FKBP8: variants seen among roughly 807,000 people sequenced by gnomAD.
FKBP8 encodes the protein peptidyl-prolyl cis-trans isomerase FKBP8.
In FKBP8, 5 loss-of-function variants were observed where a neutral mutation model predicts 41.7. The ratio of observed to expected loss-of-function variants is 0.12; its 90% confidence interval spans 0.06 to 0.25. FKBP8 has a LOEUF of 0.25. FKBP8 is among the 10% of genes least tolerant of loss of function. The pLI is 1.00. For synonymous variants in FKBP8, 279 were observed against 254.5 expected (o/e 1.10, Z -0.92); for missense variants, 397 against 563.0 (o/e 0.71, Z 2.98).
intron 7 of FKBP8, chr19:18,533,028 G>T: frequency 1.3e-6 from 1 of 743,172 alleles, no homozygotes; most frequent in Non-Finnish European, 2.1e-6. Flanking sequence ...TGGAAGGAAG[G>T]CCAAGGACAC....
chr19:18,543,259 C>A (rs1452081574), intron 1 of FKBP8: 2 of 137,228 alleles, frequency 1.5e-5, no homozygotes, highest in African/African-American at 6.7e-5. Context: ...TCCATCGGGA[C>A]CCCCCCACTG....
In FKBP8 at chr19:18,539,697, T is replaced by C. The variant is rs1226654646; in HGVS notation, c.316A>G (p.Thr106Ala). ...GAACCTGGCGGCCCTGGGACCAGCGTCTTCTTCCTCAACAGCCCGTTCCCT... is the reference window on the plus strand; with the variant it reads ...GAACCTGGCGGCCCTGGGACCAGCGCCTTCTTCCTCAACAGCCCGTTCCCT... ...ILGNGLLRKK[T>A]LVPGPPGSSR... The change falls in exon 3 of 9, where the codon ACG (threonine) becomes GCG (alanine). Residue 106 changes from threonine to alanine, a missense_variant. By Grantham distance (58) the Thr-to-Ala change is moderately conservative (BLOSUM62 0). This residue lies in a region of FKBP8 where 172 missense variants were observed against 196.2 expected (regional missense o/e 0.88). Transcript: ENST00000608443. 5 of 1,609,040 alleles carry C rather than the reference T, an allele frequency of 3.1e-6. No homozygotes were observed. Among genetic ancestry groups the C allele is most frequent in the Non-Finnish European group, 4.2e-6 (5 of 1,179,982 alleles).
intron 8 of FKBP8, 69 bp downstream of exon 8, chr19:18,532,595 T>G: frequency 6.3e-7 from 1 of 1,579,872 alleles, no homozygotes; most frequent in Non-Finnish European, 8.6e-7. Flanking sequence ...CATCCATGTA[T>G]GCAAAATAAA....
rs1212176640 is a variant in FKBP8, at chr19:18,538,533, G to A, written c.552-97C>T. 2.5e-5 allele frequency: 25 copies of A among 987,442 alleles called. No homozygotes were observed. Among genetic ancestry groups the A allele is most frequent in the African/African-American group, 3.2e-5 (2 of 62,188 alleles). 61.2% of individuals were successfully genotyped at this position (987,442 alleles called of 1,614,324 possible). A position where few individuals can be genotyped will look rare whatever the true frequency, so the allele number is the denominator to read the frequency against. On this transcript the variant is annotated intron_variant, in intron 4 of 8. Transcript: ENST00000608443. The surrounding 1 kb of genome is among the most constrained non-coding windows in gnomAD (Gnocchi z 4.0). Reference sequence around the variant, plus strand: ...AGGAGTGAGCTTGGCTCAAGCCCCCGATCTGTCTCCCCTCTGCCCTCCATC... The same window carrying A: ...AGGAGTGAGCTTGGCTCAAGCCCCCAATCTGTCTCCCCTCTGCCCTCCATC...
intron 2 of FKBP8, 24 bp from the exon 3 acceptor site, chr19:18,539,744 G>A (rs755168687): frequency 1.2e-6 from 2 of 1,601,646 alleles, no homozygotes; most frequent in Non-Finnish European, 1.7e-6. Context: ...GGGACATGCA[G>A]CCTGTCACCT....
rs145624354 is a variant in FKBP8, at chr19:18,538,238, C to T, written c.750G>A (p.Lys250=). Residue 250 remains lysine (K), a synonymous_variant, in exon 5 of 9, where the codon AAG becomes AAA. Transcript: ENST00000608443. This position sits in a 1 kb window ranked among gnomAD's most constrained non-coding sequence, Gnocchi z 4.0. ...CACCTTTGGCGCTGGAGGTGATAGC[C>T]TTGATGGCGAGGTCGTAGGAGTTGG... ...LAANSYDLAI[K]AITSSAKVDM... 147 of 1,610,532 alleles carry T rather than the reference C, an allele frequency of 9.1e-5. No individual in the cohort carries two copies. The highest frequency in any genetic ancestry group is 1.7e-5 in the Non-Finnish European group (20 of 1,177,630).
At position 18,543,466 on chromosome 19, in the gene FKBP8, C is replaced by G. The variant is rs1976757463; in HGVS notation, c.-26+20G>C. 6.7e-6 allele frequency: 1 copy of G among 149,714 alleles called. No individual in the cohort carries two copies. The highest frequency in any genetic ancestry group is 2.5e-5 in the African/African-American group (1 of 40,756). The allele number at this position is 149,714 out of a possible 1,614,324, so 9.3% of individuals were successfully genotyped here. Reference sequence around the variant, plus strand: ...AGCGGCCCGGCCGGCACGGCGCCCCCAGCACCCCAGGACACTTGCCTCTGG... The same window carrying G: ...AGCGGCCCGGCCGGCACGGCGCCCCGAGCACCCCAGGACACTTGCCTCTGG... On this transcript the variant is annotated intron_variant, in intron 1 of 8. Transcript: ENST00000608443.
rs10424678 is a variant in FKBP8 at position 18,538,886 on chromosome 19, T to C, written c.552-450A>G. ...CTGGAGTGCAGTGGTGCAATCTCGG[T>C]TCACTGCAAGCTCCGCCTCCCGGGT... On this transcript the variant is annotated intron_variant, in intron 4 of 8. Transcript: ENST00000608443. This position sits in a 1 kb window ranked among gnomAD's most constrained non-coding sequence, Gnocchi z 4.0. 0.18 allele frequency among the ~76,000 whole-genome samples: 25,638 copies of C among 146,474 alleles called. 7,087 individuals are homozygous for C. Among genetic ancestry groups the C allele is most frequent in the African/African-American group, 0.59 (23,416 of 39,602 alleles).
At position 18,533,267 on chromosome 19, in the gene FKBP8, C is replaced by T; in HGVS notation, c.1023+3G>A. ...AGTCCCAGGGCACCCCTGTCCTGCT[C>T]ACCTTGTTGGAAGGTTCCAGCTTCA... On this transcript the variant is annotated splice_donor_region_variant and intron_variant, in intron 7 of 8. Coordinates refer to ENST00000608443, the MANE Select transcript of FKBP8 (RefSeq NM_012181.5). 1 of 1,590,370 alleles carries T rather than the reference C, an allele frequency of 6.3e-7. No individual in the cohort carries two copies. Among genetic ancestry groups the T allele is most frequent in the Non-Finnish European group, 8.6e-7 (1 of 1,167,782 alleles).
chr19:18,541,362 A>G (rs1455020712), intron 2 of FKBP8, among the ~76,000 whole-genome samples: 1 of 152,142 alleles, frequency 6.6e-6, no homozygotes, highest in Admixed American at 6.6e-5. Flanking sequence ...GTGTCAGACA[A>G]ATGCCAAAAA....
rs2145189416 is a variant in FKBP8, at chr19:18,537,673, T to C, written c.873A>G (p.Ala291=). The change falls in exon 6 of 9, where the codon GCA becomes GCG. Residue 291 remains alanine (A), a synonymous_variant. Transcript: ENST00000608443. The surrounding 1 kb of genome is among the most constrained non-coding windows in gnomAD (Gnocchi z 4.4). ...GCACAAGGCTGCAGGAGCGCAGGGC[T>C]GCGCGGTAGTGGTCGAGCTTCAGCT... ...ASQLKLDHYR[A]ALRSCSLVLE... 1 of 1,613,796 alleles carries C rather than the reference T, an allele frequency of 6.2e-7. No individual in the cohort carries two copies. The highest frequency in any genetic ancestry group is 8.5e-7 in the Non-Finnish European group (1 of 1,179,920).
At chr19:18,539,317 T>C (rs1449545507) in intron 4 of FKBP8, 54 bp downstream of exon 4, 3 of 1,494,522 alleles carry the variant, frequency 2.0e-6, no homozygotes, top group African/African-American at 2.8e-5. Context: ...GTACACCCAC[T>C]CCACCCATCC....
rs757031781 is a variant in FKBP8, at chr19:18,538,360, G to C, written c.628C>G (p.Leu210Val). ...TLKTAVDGPDLEMLTGQERVA... is the reference protein window; with the variant it reads ...TLKTAVDGPDVEMLTGQERVA... The stretch of plus-strand genomic sequence containing the variant: ...CGCTCCTGCCCCGTGAGCATCTCCA[G>C]GTCAGGCCCGTCCACAGCCGTCTTC... The change falls in exon 5 of 9, where the codon CTG (leucine) becomes GTG (valine). Residue 210 changes from leucine to valine, a missense_variant. This residue lies in a region of FKBP8 where 225 missense variants were observed against 366.8 expected (regional missense o/e 0.61). Coordinates refer to ENST00000608443, the MANE Select transcript of FKBP8 (RefSeq NM_012181.5). This position sits in a 1 kb window ranked among gnomAD's most constrained non-coding sequence, Gnocchi z 4.0. The C allele has an allele frequency of 6.2e-7, 1 of 1,613,684 alleles. No homozygotes were observed. The highest frequency in any genetic ancestry group is 1.7e-5 in the Admixed American group (1 of 60,016).
Position 18,538,700 on chromosome 19 carries a change from T to G in FKBP8, c.552-264A>C, listed in dbSNP as rs1242862943. Among the ~76,000 whole-genome samples, 1 of 151,700 alleles carries G rather than the reference T, an allele frequency of 6.6e-6. No individual in the cohort carries two copies. Among genetic ancestry groups the G allele is most frequent in the Non-Finnish European group, 1.5e-5 (1 of 67,988 alleles). On this transcript the variant is annotated intron_variant, in intron 4 of 8. Coordinates refer to ENST00000608443, the MANE Select transcript of FKBP8 (RefSeq NM_012181.5). This position sits in a 1 kb window ranked among gnomAD's most constrained non-coding sequence, Gnocchi z 4.0. ...TCTCACTCTGTTGCCCGGGCTGGAG[T>G]GCAGTGGTGCAATCTTGGCTCACTG...
chr19:18,537,900 C>A lies in FKBP8; in HGVS notation c.773-127G>T, dbSNP rs890502773. On this transcript the variant is annotated intron_variant, in intron 5 of 8. Coordinates refer to ENST00000608443, the MANE Select transcript of FKBP8 (RefSeq NM_012181.5). The surrounding 1 kb of genome is among the most constrained non-coding windows in gnomAD (Gnocchi z 4.4). ...AATTTTAACCCCGGACCAAGGGCCA[C>A]GCTTTCCTGGGGCTCTCCTGAGGAA... 3.9e-6 allele frequency: 4 copies of A among 1,027,564 alleles called. No individual in the cohort carries two copies. The highest frequency in any genetic ancestry group is 5.6e-6 in the Non-Finnish European group (4 of 712,828). 63.7% of individuals were successfully genotyped at this position (1,027,564 alleles called of 1,614,324 possible). A position where few individuals can be genotyped will look rare whatever the true frequency, so the allele number is the denominator to read the frequency against.
Position 18,532,204 on chromosome 19 carries a change from C to G in FKBP8, c.1207G>C (p.Val403Leu). ...FGATAVALGG[V>L]ALSVVIAARN Reference sequence around the variant, plus strand: ...GCAGCGATGACCACAGAGAGTGCCACACCCCCCAAGGCAACAGCAGTCGCC... The same window carrying G: ...GCAGCGATGACCACAGAGAGTGCCAGACCCCCCAAGGCAACAGCAGTCGCC... The change falls in exon 9 of 9, where the codon GTG becomes CTG. Residue 403 changes from valine to leucine, a missense_variant. This residue lies in a region of FKBP8 where 225 missense variants were observed against 366.8 expected (regional missense o/e 0.61). Coordinates refer to ENST00000608443, the MANE Select transcript of FKBP8 (RefSeq NM_012181.5). 3 of 1,609,582 alleles carry G rather than the reference C, an allele frequency of 1.9e-6. No homozygotes were observed. Among genetic ancestry groups the G allele is most frequent in the Non-Finnish European group, 2.5e-6 (3 of 1,178,410 alleles).
At position 18,531,918 on chromosome 19, in the gene FKBP8, C is replaced by A. The variant is rs1976457997; in HGVS notation, c.*251G>T. ...AAACTGAGGCCAGCCCTGGCGGAGA[C>A]CTAGCCCAGCGGGGTAAGGAGGGTG... On this transcript the variant is annotated 3_prime_UTR_variant, in exon 9 of 9. Coordinates refer to ENST00000608443, the MANE Select transcript of FKBP8 (RefSeq NM_012181.5). 3 of 521,290 alleles carry A rather than the reference C, an allele frequency of 5.8e-6. No homozygotes were observed. The South Asian group carries it at 6.8e-5, about 12-fold the overall frequency. 32.3% of individuals were successfully genotyped at this position (521,290 alleles called of 1,614,324 possible). A position where few individuals can be genotyped will look rare whatever the true frequency, so the allele number is the denominator to read the frequency against.
rs764269613 is a variant in FKBP8, at chr19:18,541,789, G to T, written c.182C>A (p.Pro61His). The change falls in exon 2 of 9, where the codon CCC (proline) becomes CAC (histidine). Residue 61 changes from proline (P) to histidine (H), a missense_variant. By Grantham distance (77) the Pro-to-His change is moderately conservative. Transcript: ENST00000608443. ...AGGCTGCTCAGCCTCCTCCGCCGGG[G>T]GTTGTCCCATGTCCTCCAGCGGTGG... Reference protein sequence around the residue: ...ELPPLEDMGQPPAEEAEQPGA... With the variant: ...ELPPLEDMGQHPAEEAEQPGA... 1 of 1,613,942 alleles carries T rather than the reference G, an allele frequency of 6.2e-7. No homozygotes were observed. Among genetic ancestry groups the T allele is most frequent in the Non-Finnish European group, 8.5e-7 (1 of 1,179,930 alleles).
At chr19:18,533,901 C>T (rs540734916) in intron 6 of FKBP8, among the ~76,000 whole-genome samples, 65 of 147,894 alleles carry the variant, frequency 4.4e-4, no homozygotes, top group African/African-American at 1.5e-3. Context: ...CCCAGCTACT[C>T]GGGAGGCTGA....
Sources: allele counts gnomAD v4.1 joint callset (sites outside exome capture counted in the v4.1 genomes callset), GRCh38; gene constraint gnomAD v4.1.1; regional missense constraint gnomAD v4.1.1; non-coding constraint Gnocchi (gnomAD v3.1); transcripts MANE v1.5; gene names NCBI Gene and HGNC (gene_info 2026-07-23, HGNC 2026-07-21).